The following SPAG16 variants were observed in gnomAD, a reference collection of about 807,000 sequenced individuals.
SPAG16 encodes sperm associated antigen 16.
A neutral mutation model predicts 80.4 loss-of-function variants in SPAG16; 86 were observed. The observed-to-expected ratio is 1.07, with a 90% CI of 0.90 to 1.28. SPAG16 has a LOEUF of 1.28. SPAG16 is among the 50% of genes most tolerant of loss of function. The probability of loss-of-function intolerance (pLI) is 0.00; values close to 1 mark genes in which losing one functional copy is unlikely to be tolerated. For synonymous variants in SPAG16, 294 were observed against 265.9 expected (o/e 1.11, Z -1.03); for missense variants, 870 against 765.3 (o/e 1.14, Z -1.61).
intron 15 of SPAG16, among the ~76,000 whole-genome samples, chr2:214,228,041 A>AAT (rs1688403366): frequency 6.6e-6 from 1 of 151,974 alleles, no homozygotes; most frequent in African/African-American, 2.4e-5. Context: ...AATATTGAAT[A>AAT]TGCCCTGGCA....
intron 9 of SPAG16, among the ~76,000 whole-genome samples, chr2:213,479,387 A>G (rs1020144775): frequency 6.6e-6 from 1 of 151,870 alleles, no homozygotes; most frequent in African/African-American, 2.4e-5. Context: ...TATGTGATAT[A>G]CTTGTATATG....
intron 9 of SPAG16, among the ~76,000 whole-genome samples, chr2:213,423,754 AG>A (rs1179584880): frequency 6.6e-6 from 1 of 152,188 alleles, no homozygotes; most frequent in Non-Finnish European, 1.5e-5. Flanking sequence ...ACTAAAGCCC[AG>A]GAAGTTTTAT....
At chr2:213,572,946 C>T (rs181891962) in intron 10 of SPAG16, among the ~76,000 whole-genome samples, 73 of 152,298 alleles carry the variant, frequency 4.8e-4, no homozygotes, top group Admixed American at 1.2e-3. Flanking sequence ...CATGGTTCGC[C>T]GCTTTTTAAG....
At chr2:213,417,824 T>C (rs536685646) in intron 9 of SPAG16, among the ~76,000 whole-genome samples, 12 of 152,250 alleles carry the variant, frequency 7.9e-5, no homozygotes, top group Non-Finnish European at 1.5e-4. Context: ...TTTCCTCCTA[T>C]TTTTCCTCCT....
At chr2:213,421,552 C>T (rs1416205063) in intron 9 of SPAG16, among the ~76,000 whole-genome samples, 1 of 152,220 alleles carries the variant, frequency 6.6e-6, no homozygotes, top group Non-Finnish European at 1.5e-5. Context: ...GGCCTAAAGC[C>T]TGGGGGCCAG....
At chr2:214,068,293 G>C (rs1360426203) in intron 13 of SPAG16, among the ~76,000 whole-genome samples, 2 of 152,130 alleles carry the variant, frequency 1.3e-5, no homozygotes, top group African/African-American at 4.8e-5. Flanking sequence ...TCCTGAAAGG[G>C]AATTACAGAA....
intron 14 of SPAG16, among the ~76,000 whole-genome samples, chr2:214,134,997 C>G (rs1356333189): frequency 6.6e-6 from 1 of 152,190 alleles, no homozygotes; most frequent in East Asian, 1.9e-4. Context: ...TATTATTTGT[C>G]CATAATCTTC....
At chr2:213,889,730 C>T (rs1000221307) in intron 11 of SPAG16, among the ~76,000 whole-genome samples, 14 of 146,184 alleles carry the variant, frequency 9.6e-5, no homozygotes, top group Non-Finnish European at 6.0e-5. Context: ...TATATATATA[C>T]ATATATATAT....
intron 15 of SPAG16, among the ~76,000 whole-genome samples, chr2:214,322,515 A>AAG (rs1224281597): frequency 1.3e-5 from 2 of 151,884 alleles, no homozygotes; most frequent in Admixed American, 6.6e-5. Context: ...TAGGCAAAAA[A>AAG]AAAAAAGGCA....
intron 10 of SPAG16, among the ~76,000 whole-genome samples, chr2:213,774,308 C>T (rs1467746462): frequency 6.6e-6 from 1 of 152,154 alleles, no homozygotes; most frequent in Non-Finnish European, 1.5e-5. Flanking sequence ...GGACATAATC[C>T]TTACGAAAAC....
chr2:213,968,701 T>C, intron 12 of SPAG16, among the ~76,000 whole-genome samples: 1 of 152,180 alleles, frequency 6.6e-6, no homozygotes, highest in East Asian at 1.9e-4. Flanking sequence ...CTCTATCAGG[T>C]GTTAATGGGT....
rs1393402146 is a variant in SPAG16 at position 214,270,963 on chromosome 2, T to C, written c.1720+121697T>C. Among the ~76,000 whole-genome samples the C allele has an allele frequency of 5.9e-5, 9 of 152,236 alleles. No homozygotes were observed. The East Asian group carries it at 1.7e-3, about 29-fold the overall frequency. On this transcript the variant is annotated intron_variant, in intron 15 of 15. Transcript: ENST00000331683. Reference sequence around the variant, plus strand: ...CCTTTTTCTACCTTTTTCCCGAATATACCCACTGCGCAGAAAACAGTGCCC... The same window carrying C: ...CCTTTTTCTACCTTTTTCCCGAATACACCCACTGCGCAGAAAACAGTGCCC...
At chr2:213,472,887 C>T (rs2073163831) in intron 9 of SPAG16, among the ~76,000 whole-genome samples, 1 of 152,158 alleles carries the variant, frequency 6.6e-6, no homozygotes. Context: ...CACAGTTACC[C>T]TAGTAAAATG....
intron 15 of SPAG16, among the ~76,000 whole-genome samples, chr2:214,288,473 T>C (rs768794885): frequency 4.6e-5 from 7 of 152,160 alleles, no homozygotes; most frequent in Non-Finnish European, 1.0e-4. Context: ...CTTATGGTAG[T>C]ATTATTTTTG....
chr2:214,230,657 G>T (rs993404555), intron 15 of SPAG16, among the ~76,000 whole-genome samples: 12 of 152,046 alleles, frequency 7.9e-5, no homozygotes, highest in African/African-American at 2.9e-4. Flanking sequence ...CAGAAGAGAT[G>T]AAATGCAAAA....
At chr2:214,019,810 A>G (rs935180320) in intron 13 of SPAG16, among the ~76,000 whole-genome samples, 16 of 152,140 alleles carry the variant, frequency 1.1e-4, no homozygotes, top group African/African-American at 2.2e-4. Flanking sequence ...CTGGAGATCT[A>G]TGTGCTAGGC....
intron 14 of SPAG16, 135 bp downstream of exon 14, chr2:214,108,396 T>C (rs2053488741): frequency 3.2e-6 from 2 of 624,608 alleles, no homozygotes; most frequent in African/African-American, 3.8e-5. Context: ...TTGTAAACAA[T>C]AGGAAAAGTC....
At chr2:213,817,837 G>T (rs529968225) in intron 10 of SPAG16, among the ~76,000 whole-genome samples, 1 of 152,106 alleles carries the variant, frequency 6.6e-6, no homozygotes, top group African/African-American at 2.4e-5. Context: ...GAGGGAGGTG[G>T]GTAAGTGTTG....
rs537908437 is a variant in SPAG16, at chr2:213,700,467, T to C, written c.1071-162018T>C. 2.6e-4 allele frequency among the ~76,000 whole-genome samples: 40 copies of C among 152,296 alleles called. No homozygotes were observed. In the South Asian group the frequency reaches 5.2e-3, roughly 20 times the overall value. On this transcript the variant is annotated intron_variant, in intron 10 of 15. Coordinates refer to ENST00000331683, the MANE Select transcript of SPAG16 (RefSeq NM_024532.5). ...TGCTGTAATGATGAATATTACAATT[T>C]CTTGAGTGTGCTATTTTCCAGACAA... is the stretch of plus-strand genomic sequence containing the variant.
Sources: allele counts gnomAD v4.1 joint callset (sites outside exome capture counted in the v4.1 genomes callset), GRCh38; gene constraint gnomAD v4.1.1; transcripts MANE v1.5; gene names NCBI Gene and HGNC (gene_info 2026-07-23, HGNC 2026-07-21).